The following GFRA2 variants were observed in gnomAD, a reference collection of about 807,000 sequenced individuals.
GFRA2 encodes the protein GDNF family receptor alpha-2.
A neutral mutation model predicts 48.3 loss-of-function variants in GFRA2; 17 were observed. That is an observed-to-expected ratio of 0.35 (90% CI 0.24 to 0.53). The LOEUF (loss-of-function observed/expected upper bound fraction) is 0.53, where lower values mean the gene tolerates loss of function less well. GFRA2 is among the 20% of genes least tolerant of loss of function. The probability of loss-of-function intolerance (pLI) is 0.93; values close to 1 mark genes in which losing one functional copy is unlikely to be tolerated. For synonymous variants in GFRA2, 305 were observed against 257.2 expected, an observed-to-expected ratio of 1.19 and a Z score of -1.78; for missense variants, 660 against 637.3, an observed-to-expected ratio of 1.04 and a Z score of -0.38.
rs547619144 is a variant in GFRA2, at chr8:21,691,960, A to T, written c.*1318T>A. ...CACTGGGAGCTCCACTTACGCAGGT[A>T]ACACTGGACCAAGAACAAAATGGGG... On this transcript the variant is annotated 3_prime_UTR_variant, in exon 9 of 9. Coordinates refer to ENST00000524240, the MANE Select transcript of GFRA2 (RefSeq NM_001495.5). 3 of 152,778 alleles carry T rather than the reference A, an allele frequency of 2.0e-5. No homozygotes were observed. Among genetic ancestry groups the T allele is most frequent in the East Asian group, 3.9e-4 (2 of 5,172 alleles). 9.5% of individuals were successfully genotyped at this position (152,778 alleles called of 1,614,324 possible).
intron 1 of GFRA2, among the ~76,000 whole-genome samples, chr8:21,806,413 C>T (rs558670465): frequency 1.8e-4 from 27 of 152,248 alleles, no homozygotes; most frequent in Admixed American, 3.9e-4. Context: ...TAAGTGTTCT[C>T]GGCACATTTA....
chr8:21,768,422 G>C (rs1190165496), intron 3 of GFRA2, among the ~76,000 whole-genome samples: 1 of 152,158 alleles, frequency 6.6e-6, no homozygotes, highest in African/African-American at 2.4e-5. Context: ...AGCCCCCTGT[G>C]CCCCCGCCTC....
rs575460539 is a variant in GFRA2 at position 21,702,974 on chromosome 8, T to C, written c.1049A>G (p.Asn350Ser). Residue 350 changes from asparagine (N) to serine (S), a missense_variant, in exon 7 of 9, where the codon AAC (asparagine) becomes AGC (serine). Transcript: ENST00000524240. ...RDFTENPCLRNAIQAFGNGTD... is the reference protein window; with the variant it reads ...RDFTENPCLRSAIQAFGNGTD... ...GCCGTTGCCAAAGGCCTGGATGGCG[T>C]TCCCTGGGATGGGGGTGAGGGCAGA... is the stretch of plus-strand genomic sequence containing the variant. 49 of 1,514,470 alleles carry C rather than the reference T, an allele frequency of 3.2e-5. No individual in the cohort carries two copies. In the East Asian group the frequency reaches 5.8e-4, roughly 18 times the overall value. The allele number at this position is 1,514,470 out of a possible 1,614,324, so 93.8% of individuals were successfully genotyped here. A position where few individuals can be genotyped will look rare whatever the true frequency, so the allele number is the denominator to read the frequency against.
chr8:21,810,705 C>G (rs1039896168), intron 1 of GFRA2, among the ~76,000 whole-genome samples: 79 of 152,096 alleles, frequency 5.2e-4, no homozygotes, highest in African/African-American at 1.8e-3. Flanking sequence ...AGGTACAGAG[C>G]CTGAATTCTC....
intron 4 of GFRA2, chr8:21,706,385 G>A (rs1486048074): frequency 2.1e-6 from 1 of 479,446 alleles, no homozygotes; most frequent in African/African-American, 2.0e-5. Flanking sequence ...CTGGACCCCA[G>A]GCAGGAAAGC....
chr8:21,750,742 C>T lies in GFRA2; in HGVS notation c.640G>A (p.Glu214Lys), dbSNP rs1406806931. Residue 214 changes from glutamate (E) to lysine (K), a missense_variant, in exon 4 of 9, where the codon GAG becomes AAG. Physicochemically the swap from Glu to Lys is moderately conservative, Grantham distance 56. Transcript: ENST00000524240. This position sits in a 1 kb window ranked among gnomAD's most constrained non-coding sequence, Gnocchi z 5.7. ...CAGAAGAGCATGCGGTAGGTGTACT[C>T]GCTGGGCACCCGGTCGAAGAACTGG... ...LRQFFDRVPS[E>K]YTYRMLFCSC... 1.2e-6 allele frequency: 2 copies of T among 1,613,996 alleles called. No individual in the cohort carries two copies. Among genetic ancestry groups the T allele is most frequent in the African/African-American group, 1.3e-5 (1 of 75,056 alleles).
intron 3 of GFRA2, among the ~76,000 whole-genome samples, chr8:21,772,738 C>G (rs895194652): frequency 1.3e-5 from 2 of 152,172 alleles, no homozygotes; most frequent in Non-Finnish European, 2.9e-5. Flanking sequence ...CGGTGAGCTG[C>G]AGACCTAGTA....
chr8:21,769,361 C>T (rs1295771130), intron 3 of GFRA2: 3 of 155,084 alleles, frequency 1.9e-5, no homozygotes, highest in Admixed American at 6.6e-5. Context: ...ACATGTGACA[C>T]CTCACAATTG....
Position 21,788,315 on chromosome 8 carries a change from G to A in GFRA2, c.-156C>T. Reference sequence around the variant, plus strand: ...CCACCCGATGAAGATCCCGAGTCCTGCGATTCTCGCCTCTGGCTGGAGGGG... The same window carrying A: ...CCACCCGATGAAGATCCCGAGTCCTACGATTCTCGCCTCTGGCTGGAGGGG... On this transcript the variant is annotated 5_prime_UTR_variant, in exon 1 of 9. Transcript: ENST00000524240. 7.2e-7 allele frequency: 1 copy of A among 1,389,958 alleles called. No homozygotes were observed. The highest frequency in any genetic ancestry group is 9.3e-7 in the Non-Finnish European group (1 of 1,072,714). The allele number at this position is 1,389,958 out of a possible 1,614,324, so 86.1% of individuals were successfully genotyped here.
intron 1 of GFRA2, 162 bp from the exon 2 acceptor site, chr8:21,783,061 A>C (rs1807092761): frequency 1.4e-6 from 1 of 731,220 alleles, no homozygotes; most frequent in Non-Finnish European, 2.4e-6. Flanking sequence ...CCCCAGGGAG[A>C]ACTCAGGCAT....
At chr8:21,709,331 A>C (rs1248459156) in intron 4 of GFRA2, among the ~76,000 whole-genome samples, 1 of 152,206 alleles carries the variant, frequency 6.6e-6, no homozygotes, top group Non-Finnish European at 1.5e-5. Flanking sequence ...CAGGCAACTG[A>C]AAGATTCATT....
chr8:21,788,997 C>G (rs911903296), upstream of GFRA2, among the ~76,000 whole-genome samples: 1 of 148,428 alleles, frequency 6.7e-6, no homozygotes, highest in Non-Finnish European at 1.5e-5. Flanking sequence ...TCCTCCGCCC[C>G]GGGCTCGGCG....
Position 21,730,933 on chromosome 8 carries a change from G to A in GFRA2, c.794+19655C>T, listed in dbSNP as rs542762078. ...GAGCAGGCCCAGAGAAGTTCCATGC[G>A]TACCCCGAGGTTTCCACAGCGAGAC... On this transcript the variant is annotated intron_variant, in intron 4 of 8. Transcript: ENST00000524240. Among the ~76,000 whole-genome samples, 20 of 152,248 alleles carry A rather than the reference G, an allele frequency of 1.3e-4. No homozygotes were observed. In the East Asian group the frequency reaches 1.9e-3, roughly 15 times the overall value.
In GFRA2 at chr8:21,774,994, G is replaced by A; in HGVS notation, c.417C>T (p.Phe139=). ...TACCTGAGAAGATTGAAGCAAGCCT[G>A]AAGATGTCCGAGAGGCGGGAGGTCA... ...EPVTSRLSDI[F]RLASIFSGTG... is the part of the protein sequence containing the mutation. The change falls in exon 3 of 9, where the codon TTC becomes TTT. Residue 139 remains phenylalanine, a synonymous_variant. Coordinates refer to ENST00000524240, the MANE Select transcript of GFRA2 (RefSeq NM_001495.5). 6.2e-7 allele frequency: 1 copy of A among 1,601,484 alleles called. No individual in the cohort carries two copies.
chr8:21,731,179 G>A (rs1406776397), intron 4 of GFRA2, among the ~76,000 whole-genome samples: 2 of 152,156 alleles, frequency 1.3e-5, no homozygotes, highest in Non-Finnish European at 2.9e-5. Flanking sequence ...GGTAGTGACA[G>A]CTTTAGCATG....
intron 2 of GFRA2, among the ~76,000 whole-genome samples, chr8:21,799,787 T>A (rs1231675165): frequency 6.6e-6 from 1 of 152,060 alleles, no homozygotes; most frequent in Non-Finnish European, 1.5e-5. Flanking sequence ...GCATGGCCCA[T>A]AACGAGCTGG....
At chr8:21,806,296 C>T (rs1209926627) in intron 1 of GFRA2, among the ~76,000 whole-genome samples, 1 of 152,160 alleles carries the variant, frequency 6.6e-6, no homozygotes, top group African/African-American at 2.4e-5. Context: ...TGCAACCATT[C>T]TGTTGTTCAC....
In GFRA2 at chr8:21,782,758, C is replaced by G; in HGVS notation, c.182G>C (p.Arg61Pro). 1.3e-6 allele frequency: 2 copies of G among 1,595,354 alleles called. No individual in the cohort carries two copies. Among genetic ancestry groups the G allele is most frequent in the Non-Finnish European group, 1.7e-6 (2 of 1,172,416 alleles). ...GCGGTCGCGGCCTGCCAGGCACTGC[C>G]GCAGAGTGCGGTAGCGAGAGCTGCA... ...SNCSSRYRTL[R>P]QCLAGRDRNT... The change falls in exon 2 of 9, where the codon CGG becomes CCG. Residue 61 changes from arginine to proline, a missense_variant. By Grantham distance (103) the Arg-to-Pro change is moderately radical. Transcript: ENST00000524240.
At chr8:21,769,284 G>A (rs79579336) in intron 3 of GFRA2, 54,721 of 348,998 alleles carry the variant, frequency 0.16, 4,674 homozygotes, top group African/African-American at 0.26. Flanking sequence ...TTCCATGATC[G>A]ATTCCTGCAC....
Sources: gnomAD v4.1 joint callset for allele counts (sites outside exome capture counted in the v4.1 genomes callset) on GRCh38, gnomAD v4.1.1 for gene constraint, Gnocchi (gnomAD v3.1) non-coding constraint, MANE v1.5 for transcripts, NCBI Gene and HGNC (gene_info 2026-07-23, HGNC 2026-07-21) for gene names.